The following POC5 variants were observed in gnomAD, a reference collection of about 807,000 sequenced individuals.
POC5 encodes centrosomal protein POC5.
POC5 carries 48 observed loss-of-function variants against 62.9 expected under a neutral mutation model. The ratio of observed to expected loss-of-function variants is 0.76; its 90% CI spans 0.61 to 0.97. The LOEUF (loss-of-function observed/expected upper bound fraction) is 0.97, where lower values mean the gene tolerates loss of function less well. POC5 is among the 50% of genes least tolerant of loss of function. POC5 has a pLI of 0.00. For synonymous variants in POC5, 236 were observed against 228.2 expected, an observed-to-expected ratio of 1.03 and a Z score of -0.31; for missense variants, 696 against 679.5, an observed-to-expected ratio of 1.02 and a Z score of -0.27.
intron 4 of POC5, among the ~76,000 whole-genome samples, chr5:75,703,607 G>A (rs1351278549): frequency 6.6e-6 from 1 of 151,926 alleles, no homozygotes; most frequent in Non-Finnish European, 1.5e-5. Flanking sequence ...GCCTGTGACA[G>A]AATGAGACTC....
chr5:75,680,096 C>T (rs950031627), intron 10 of POC5, among the ~76,000 whole-genome samples: 2 of 152,002 alleles, frequency 1.3e-5, no homozygotes, highest in Admixed American at 1.3e-4. Flanking sequence ...GAAACTTTGT[C>T]CTATTACTTA....
At chr5:75,707,553 A>G (rs1777176423) in intron 3 of POC5, 184 bp downstream of exon 3, 2 of 470,064 alleles carry the variant, frequency 4.3e-6, no homozygotes, top group South Asian at 4.8e-5. Flanking sequence ...AGAAAAATCA[A>G]GCTGTCACAC....
rs780497246 is a variant in POC5, at chr5:75,685,486, T to TA, written c.1130-3dup. On this transcript the variant is annotated splice_region_variant and splice_polypyrimidine_tract_variant and intron_variant, in intron 9 of 11. Transcript: ENST00000428202. The stretch of plus-strand genomic sequence containing the variant: ...TTTTATTATTTGTGGAGTCTATCCC[T>TA]ATAAATCACAAATTAATTCCATTCA... 4 of 1,601,850 alleles carry TA rather than the reference T, an allele frequency of 2.5e-6. No homozygotes were observed. The African/African-American group carries it at 5.4e-5, about 21-fold the overall frequency.
chr5:75,701,512 T>C (rs965038947), intron 5 of POC5, among the ~76,000 whole-genome samples: 6 of 140,140 alleles, frequency 4.3e-5, no homozygotes, highest in Non-Finnish European at 7.7e-5. Context: ...TAGGTGGGAA[T>C]TGAACAAGGA....
intron 1 of POC5, among the ~76,000 whole-genome samples, chr5:75,713,319 G>A (rs889002707): frequency 3.9e-5 from 6 of 152,046 alleles, no homozygotes; most frequent in African/African-American, 1.5e-4. Flanking sequence ...TCCCTTCTTG[G>A]GAAACTTACC....
intron 2 of POC5, among the ~76,000 whole-genome samples, chr5:75,709,087 C>T (rs1463552970): frequency 6.6e-6 from 1 of 152,156 alleles, no homozygotes; most frequent in South Asian, 2.1e-4. Context: ...GCCCTGGACC[C>T]CCAAAGTGCT....
rs1293245660 is a variant in POC5 at position 75,685,428 on chromosome 5, C to A, written c.1186G>T (p.Glu396Ter). Residue 396 changes from glutamate (E) to a stop codon, truncating the protein, a stop_gained, in exon 10 of 12, where the codon GAA becomes TAA. Transcript: ENST00000428202. LOFTEE classifies it high-confidence loss of function. ...GAAGGATCCAAATGAGCAGAATGTT[C>A]TTTTCCTTGAACACCAGGACCATAC... ...EEYGPGVQGK[E>*]HSAHLDPSAP... is the part of the protein sequence containing the mutation. 1 of 1,613,918 alleles carries A rather than the reference C, an allele frequency of 6.2e-7. No homozygotes were observed. Among genetic ancestry groups the A allele is most frequent in the East Asian group, 2.2e-5 (1 of 44,880 alleles).
chr5:75,712,160 T>C lies in POC5; in HGVS notation c.84+694A>G, dbSNP rs997384687. The C allele has an allele frequency of 1.3e-5, 3 of 226,458 alleles. No homozygotes were observed. In the Admixed American group the frequency reaches 2.0e-4, roughly 15 times the overall value. 14.0% of individuals were successfully genotyped at this position (226,458 alleles called of 1,614,324 possible). On this transcript the variant is annotated intron_variant, in intron 2 of 11. Coordinates refer to ENST00000428202, the MANE Select transcript of POC5 (RefSeq NM_001099271.2). Reference sequence around the variant, plus strand: ...ATATTTTCCTAAAGCTTTTCTCATATCGTACAGAATCAATAACAATTTCAT... The same window carrying C: ...ATATTTTCCTAAAGCTTTTCTCATACCGTACAGAATCAATAACAATTTCAT...
At chr5:75,701,739 AT>A (rs1776895361) in intron 5 of POC5, among the ~76,000 whole-genome samples, 1 of 151,946 alleles carries the variant, frequency 6.6e-6, no homozygotes, top group Non-Finnish European at 1.5e-5. Flanking sequence ...AAATAAATAA[AT>A]AAATAAATAA....
At chr5:75,710,065 A>G (rs1244793559) in intron 2 of POC5, among the ~76,000 whole-genome samples, 1 of 152,200 alleles carries the variant, frequency 6.6e-6, no homozygotes, top group Non-Finnish European at 1.5e-5. Flanking sequence ...CCCATGGGCT[A>G]GTGGTAGTAC....
At chr5:75,679,174 T>A (rs1775783883) in intron 10 of POC5, among the ~76,000 whole-genome samples, 1 of 152,162 alleles carries the variant, frequency 6.6e-6, no homozygotes, top group Non-Finnish European at 1.5e-5. Context: ...TTGTGGTTAA[T>A]CCTGTCATTA....
chr5:75,706,386 CT>C (rs1483864343), intron 3 of POC5, among the ~76,000 whole-genome samples: 1 of 152,166 alleles, frequency 6.6e-6, no homozygotes, highest in Non-Finnish European at 1.5e-5. Context: ...ACAAAGTCTA[CT>C]TGTGAATCAA....
chr5:75,695,557 T>A (rs1341134754), intron 5 of POC5, among the ~76,000 whole-genome samples: 3 of 152,134 alleles, frequency 2.0e-5, no homozygotes, highest in Non-Finnish European at 1.5e-5. Flanking sequence ...GCCACAGAAC[T>A]CACATGGGCC....
chr5:75,681,221 G>A (rs1318078315), intron 10 of POC5, among the ~76,000 whole-genome samples: 1 of 152,060 alleles, frequency 6.6e-6, no homozygotes, highest in East Asian at 1.9e-4. Context: ...GTTACTAATC[G>A]TGTCCTTAGG....
intron 2 of POC5, among the ~76,000 whole-genome samples, chr5:75,711,469 AG>A (rs1777340817): frequency 6.6e-6 from 1 of 152,218 alleles, no homozygotes. Flanking sequence ...ATAAAAAGAG[AG>A]TAACAAAAAA....
chr5:75,712,529 G>A, intron 2 of POC5: 1 of 1,348,442 alleles, frequency 7.4e-7, no homozygotes, highest in Non-Finnish European at 1.0e-6. Context: ...TGCATTAAAA[G>A]TGAAAGTAGC....
intron 4 of POC5, among the ~76,000 whole-genome samples, chr5:75,704,303 C>T (rs920253341): frequency 5.3e-5 from 8 of 152,142 alleles, no homozygotes; most frequent in Non-Finnish European, 5.9e-5. Flanking sequence ...TTTCTTCCTA[C>T]TGAAGGAAAG....
chr5:75,709,487 A>T (rs1490880714), intron 2 of POC5: 1 of 148,384 alleles, frequency 6.7e-6, no homozygotes, highest in Non-Finnish European at 1.5e-5. Context: ...ACTTAAAAAA[A>T]TTATTAAAAA....
intron 5 of POC5, among the ~76,000 whole-genome samples, chr5:75,700,585 C>G (rs1776827182): frequency 6.6e-6 from 1 of 150,504 alleles, no homozygotes; most frequent in Admixed American, 6.7e-5. Context: ...GGATTAAAGA[C>G]TTAAATGTTA....
Sources: allele counts gnomAD v4.1 joint callset (sites outside exome capture counted in the v4.1 genomes callset), GRCh38; gene constraint gnomAD v4.1.1; transcripts MANE v1.5; gene names NCBI Gene and HGNC (gene_info 2026-07-23, HGNC 2026-07-21).